DLGAP2: variants seen among roughly 807,000 people sequenced by gnomAD.
The protein encoded by DLGAP2 is DLG associated protein 2.
DLGAP2 carries 26 observed loss-of-function variants against 100.3 expected under a neutral mutation model. The observed-to-expected ratio is 0.26, with a 90% CI of 0.19 to 0.36. The LOEUF (loss-of-function observed/expected upper bound fraction) is 0.36. Ranked by LOEUF, DLGAP2 falls within the 10% of genes least tolerant of loss-of-function variation. The pLI, the probability that DLGAP2 is intolerant of heterozygous loss-of-function variation, is 1.00. For missense variants in DLGAP2, 1,858 were observed against 1,453.2 expected, an observed-to-expected ratio of 1.28 and a Z score of -4.53; for synonymous variants, 886 against 630.1, an observed-to-expected ratio of 1.41 and a Z score of -6.08.
intron 3 of DLGAP2, among the ~76,000 whole-genome samples, chr8:1,276,148 C>T (rs1799689609): frequency 6.8e-6 from 1 of 146,522 alleles, no homozygotes; most frequent in South Asian, 2.1e-4. Context: ...TCACTGTCAT[C>T]CTGCCACGGA....
chr8:1,193,569 C>CTGGA (rs1797684091), intron 2 of DLGAP2, among the ~76,000 whole-genome samples: 1 of 152,156 alleles, frequency 6.6e-6, no homozygotes, highest in Non-Finnish European at 1.5e-5. Flanking sequence ...TTGTTTAAAG[C>CTGGA]TGGATATACG....
At chr8:958,294 C>T (rs973886039) in intron 2 of DLGAP2, among the ~76,000 whole-genome samples, 2 of 152,146 alleles carry the variant, frequency 1.3e-5, no homozygotes, top group Admixed American at 6.5e-5. Context: ...ATCCATTCAT[C>T]TATTGATGGG....
At chr8:1,576,230 A>G (rs1212242249) in intron 6 of DLGAP2, among the ~76,000 whole-genome samples, 1 of 152,046 alleles carries the variant, frequency 6.6e-6, no homozygotes, top group Admixed American at 6.6e-5. Flanking sequence ...GATGATGAGC[A>G]TTTTTTCATG....
chr8:1,583,430 C>T (rs56244424), intron 6 of DLGAP2, among the ~76,000 whole-genome samples: 1 of 152,278 alleles, frequency 6.6e-6, no homozygotes, highest in Non-Finnish European at 1.5e-5. Flanking sequence ...GGTACCTGGC[C>T]TGGGGATCTC....
chr8:1,606,804 A>AC (rs1796815081), intron 6 of DLGAP2, among the ~76,000 whole-genome samples: 1 of 152,072 alleles, frequency 6.6e-6, no homozygotes, highest in African/African-American at 2.4e-5. Context: ...CTCCTCAGTG[A>AC]CCCCAAGTAG....
chr8:1,110,601 C>G (rs1563197486), intron 2 of DLGAP2, among the ~76,000 whole-genome samples: 2 of 151,986 alleles, frequency 1.3e-5, no homozygotes, highest in African/African-American at 2.4e-5. Flanking sequence ...GTGTCTGCAT[C>G]TGGCATGTGA....
rs182521685 is a variant in DLGAP2, at chr8:1,152,372, T to A, written c.74-106479T>A. On this transcript the variant is annotated intron_variant, in intron 2 of 14. Transcript: ENST00000637795. ...GAACTACCATCATTAAAACACAGAG[T>A]TTGATGGAACGTGTTGCCTCAATGC... Among the ~76,000 whole-genome samples, 173 of 152,272 alleles carry A rather than the reference T, an allele frequency of 1.1e-3. 1 individual carries two copies. Among genetic ancestry groups the A allele is most frequent in the African/African-American group, 3.9e-3 (161 of 41,544 alleles).
At chr8:770,359 C>T (rs1369308867) in intron 1 of DLGAP2, among the ~76,000 whole-genome samples, 1 of 152,184 alleles carries the variant, frequency 6.6e-6, no homozygotes, top group Non-Finnish European at 1.5e-5. Flanking sequence ...CAGTGCCCTT[C>T]TGGGTTATTT....
intron 5 of DLGAP2, among the ~76,000 whole-genome samples, chr8:1,553,618 T>G (rs905592209): frequency 6.6e-6 from 1 of 152,164 alleles, no homozygotes; most frequent in Non-Finnish European, 1.5e-5. Flanking sequence ...GCCCTGAGCA[T>G]TCCCTCCCTG....
At chr8:1,698,596 C>T (rs967730728) in intron 14 of DLGAP2, among the ~76,000 whole-genome samples, 4 of 151,160 alleles carry the variant, frequency 2.6e-5, no homozygotes, top group Non-Finnish European at 5.9e-5. Flanking sequence ...TCCAAGTAAG[C>T]CATGCTTGGG....
chr8:1,036,123 C>T (rs1403929561), intron 2 of DLGAP2, among the ~76,000 whole-genome samples: 12 of 140,034 alleles, frequency 8.6e-5, no homozygotes, highest in South Asian at 2.3e-4. Flanking sequence ...TGGATTCACA[C>T]GCTCATCCCG....
intron 1 of DLGAP2, among the ~76,000 whole-genome samples, chr8:770,862 A>C (rs1821337771): frequency 1.4e-5 from 2 of 144,218 alleles, no homozygotes; most frequent in Middle Eastern, 3.8e-3. Flanking sequence ...TTTGGTTTAG[A>C]AATTATGCCT....
chr8:1,674,895 G>T (rs1324577833), intron 10 of DLGAP2, among the ~76,000 whole-genome samples: 2 of 152,218 alleles, frequency 1.3e-5, no homozygotes, highest in Non-Finnish European at 2.9e-5. Flanking sequence ...AATTTTAAAT[G>T]TATTAATTGT....
rs550586978 is a variant in DLGAP2, at chr8:1,137,624, C to T, written c.74-121227C>T. On this transcript the variant is annotated intron_variant, in intron 2 of 14. Transcript: ENST00000637795. Reference sequence around the variant, plus strand: ...CCTGTTTGAATGTTTCTAGTATTCACAGCCCGGGTCACTGTCTTTCTATAA... The same window carrying T: ...CCTGTTTGAATGTTTCTAGTATTCATAGCCCGGGTCACTGTCTTTCTATAA... 2.6e-5 allele frequency: 4 copies of T among 152,362 alleles called. No homozygotes were observed. The East Asian group carries it at 7.7e-4, about 29-fold the overall frequency. 9.4% of individuals were successfully genotyped at this position (152,362 alleles called of 1,614,324 possible). A position where few individuals can be genotyped will look rare whatever the true frequency, so the allele number is the denominator to read the frequency against.
At chr8:1,303,487 C>G (rs1800415132) in intron 3 of DLGAP2, among the ~76,000 whole-genome samples, 1 of 152,082 alleles carries the variant, frequency 6.6e-6, no homozygotes, top group African/African-American at 2.4e-5. Flanking sequence ...GAGCTTCGAC[C>G]TGGAAATAAG....
chr8:1,328,800 C>G (rs767956056), intron 3 of DLGAP2, among the ~76,000 whole-genome samples: 1 of 152,182 alleles, frequency 6.6e-6, no homozygotes, highest in African/African-American at 2.4e-5. Flanking sequence ...GCTTACGTAT[C>G]GGGGTGTTTA....
At chr8:1,627,095 A>T (rs1161096122) in intron 7 of DLGAP2, among the ~76,000 whole-genome samples, 1 of 152,212 alleles carries the variant, frequency 6.6e-6, no homozygotes, top group South Asian at 2.1e-4. Flanking sequence ...ATAACTCCAT[A>T]TCATTTTTGC....
chr8:1,660,603 G>A (rs938303241), intron 8 of DLGAP2, among the ~76,000 whole-genome samples: 1 of 152,154 alleles, frequency 6.6e-6, no homozygotes, highest in African/African-American at 2.4e-5. Context: ...CTTCTACAGT[G>A]TTTCCAATTC....
At chr8:1,190,722 C>G (rs1797615333) in intron 2 of DLGAP2, among the ~76,000 whole-genome samples, 1 of 152,182 alleles carries the variant, frequency 6.6e-6, no homozygotes, top group Non-Finnish European at 1.5e-5. Flanking sequence ...GGCCAGAGGT[C>G]ACCTGCCTCA....
Sources: gnomAD v4.1 joint callset for allele counts (sites outside exome capture counted in the v4.1 genomes callset) on GRCh38, gnomAD v4.1.1 for gene constraint, MANE v1.5 for transcripts, NCBI Gene and HGNC (gene_info 2026-07-23, HGNC 2026-07-21) for gene names.